Variants in KLK11 observed in about 807,000 individuals in gnomAD.
KLK11 encodes kallikrein-11.
Under a neutral mutation model 23.4 loss-of-function variants are expected in KLK11, and 10 were observed. The observed-to-expected ratio is 0.43, with a 90% CI of 0.26 to 0.73. KLK11 has a LOEUF of 0.73. Ranked by LOEUF, KLK11 falls within the 30% of genes least tolerant of loss-of-function variation. The pLI is 0.22. For synonymous variants in KLK11, 131 were observed against 131.7 expected (o/e 0.99, Z 0.03); for missense variants, 285 against 327.8 (o/e 0.87, Z 1.01).
chr19:51,022,711 G>A lies in KLK11; in HGVS notation c.601-14C>T, dbSNP rs769356629. Reference sequence around the variant, plus strand: ...CCCGGAGTCACCCTGGGCACGGGGAGAGAGAATGTCGGTCAGAGAAAGCGT... The same window carrying A: ...CCCGGAGTCACCCTGGGCACGGGGAAAGAGAATGTCGGTCAGAGAAAGCGT... On this transcript the variant is annotated splice_polypyrimidine_tract_variant and intron_variant, in intron 5 of 5. Transcript: ENST00000453757. 6 of 1,612,484 alleles carry A rather than the reference G, an allele frequency of 3.7e-6. No individual in the cohort carries two copies. The highest frequency in any genetic ancestry group is 1.7e-5 in the Admixed American group (1 of 59,998).
chr19:51,025,843 T>A lies in KLK11; in HGVS notation c.-35-177A>T. The A allele has an allele frequency of 2.1e-6, 1 of 475,372 alleles. No individual in the cohort carries two copies. Among genetic ancestry groups the A allele is most frequent in the South Asian group, 3.5e-5 (1 of 28,790 alleles). 29.4% of individuals were successfully genotyped at this position (475,372 alleles called of 1,614,324 possible). A position where few individuals can be genotyped will look rare whatever the true frequency, so the allele number is the denominator to read the frequency against. ...CAGATCTCCAAACACTTAAAATATATCTTAGGTGTCTAGGGTGGCCTTGGA... is the reference window on the plus strand; with the variant it reads ...CAGATCTCCAAACACTTAAAATATAACTTAGGTGTCTAGGGTGGCCTTGGA... On this transcript the variant is annotated intron_variant, in intron 1 of 5. Transcript: ENST00000453757. The surrounding 1 kb of genome is among the most constrained non-coding windows in gnomAD (Gnocchi z 6.2).
chr19:51,025,250 T>C lies in KLK11; in HGVS notation c.40+342A>G, dbSNP rs1003769661. Reference sequence around the variant, plus strand: ...CACCACGGCACTCCAGCCTGGACAATAGAGCAAGACTTTGTCTCTGGGAAA... The same window carrying C: ...CACCACGGCACTCCAGCCTGGACAACAGAGCAAGACTTTGTCTCTGGGAAA... On this transcript the variant is annotated intron_variant, in intron 2 of 5. Coordinates refer to ENST00000453757, the MANE Select transcript of KLK11 (RefSeq NM_001136032.3). The surrounding 1 kb of genome is among the most constrained non-coding windows in gnomAD (Gnocchi z 6.2). Among the ~76,000 whole-genome samples, 2 of 150,382 alleles carry C rather than the reference T, an allele frequency of 1.3e-5. No homozygotes were observed. The highest frequency in any genetic ancestry group is 1.5e-5 in the Non-Finnish European group (1 of 67,712).
At chr19:51,026,720 G>A (rs1167991595), upstream of KLK11, 6 of 539,180 alleles carry the variant, frequency 1.1e-5, no homozygotes, top group African/African-American at 2.1e-5. Flanking sequence ...GCCCCGGGGC[G>A]GGGTGTGTGT....
chr19:51,027,822 C>T, upstream of KLK11: 1 of 357,660 alleles, frequency 2.8e-6, no homozygotes, highest in Non-Finnish European at 5.2e-6. Flanking sequence ...CAGGAGGGTC[C>T]ACTTGGAAAG....
upstream of KLK11, chr19:51,026,972 C>T: frequency 6.3e-6 from 1 of 158,662 alleles, no homozygotes; most frequent in Non-Finnish European, 1.4e-5. Flanking sequence ...TTTCTCTGTC[C>T]TCGTCCCTGT....
rs1374762925 is a variant in KLK11 at position 51,025,269 on chromosome 19, T to TG, written c.40+322dup. Among the ~76,000 whole-genome samples the TG allele has an allele frequency of 2.8e-5, 4 of 142,140 alleles. No homozygotes were observed. The highest frequency in any genetic ancestry group is 2.0e-4 in the East Asian group (1 of 5,080). 93.2% of individuals were successfully genotyped at this position (142,140 alleles called of 152,430 possible). On this transcript the variant is annotated intron_variant, in intron 2 of 5. Coordinates refer to ENST00000453757, the MANE Select transcript of KLK11 (RefSeq NM_001136032.3). The surrounding 1 kb of genome is among the most constrained non-coding windows in gnomAD (Gnocchi z 6.2). ...GGACAATAGAGCAAGACTTTGTCTC[T>TG]GGGAAAAAAAAAAAAGGAAATACTT...
Position 51,024,005 on chromosome 19 carries a change from C to G in KLK11, c.463+40G>C. ...CCTTCCACAATCCTGACCACTCCCT[C>G]CTCACCACCCCCTGCCAGGTTCCCC... On this transcript the variant is annotated intron_variant, in intron 4 of 5. Coordinates refer to ENST00000453757, the MANE Select transcript of KLK11 (RefSeq NM_001136032.3). This position sits in a 1 kb window ranked among gnomAD's most constrained non-coding sequence, Gnocchi z 6.2. 1 of 1,456,432 alleles carries G rather than the reference C, an allele frequency of 6.9e-7. No individual in the cohort carries two copies. The highest frequency in any genetic ancestry group is 9.2e-7 in the Non-Finnish European group (1 of 1,091,180). 90.2% of individuals were successfully genotyped at this position (1,456,432 alleles called of 1,614,324 possible).
At chr19:51,027,078 T>A, upstream of KLK11, 1 of 215,920 alleles carries the variant, frequency 4.6e-6, no homozygotes, top group East Asian at 1.3e-4. Context: ...TCTGACTGCA[T>A]CTCTGGCAAT....
In KLK11 at chr19:51,024,513, C is replaced by G; in HGVS notation, c.197+125G>C. 3.2e-6 allele frequency: 4 copies of G among 1,258,196 alleles called. No individual in the cohort carries two copies. The highest frequency in any genetic ancestry group is 1.5e-5 in the African/African-American group (1 of 66,142). The allele number at this position is 1,258,196 out of a possible 1,614,324, so 77.9% of individuals were successfully genotyped here. A position where few individuals can be genotyped will look rare whatever the true frequency, so the allele number is the denominator to read the frequency against. On this transcript the variant is annotated intron_variant, in intron 3 of 5. Coordinates refer to ENST00000453757, the MANE Select transcript of KLK11 (RefSeq NM_001136032.3). The surrounding 1 kb of genome is among the most constrained non-coding windows in gnomAD (Gnocchi z 6.2). ...TTCAATACCAACTCGAGCCCATCAACCTTGCTGACACTACCCATCCCCATC... is the reference window on the plus strand; with the variant it reads ...TTCAATACCAACTCGAGCCCATCAAGCTTGCTGACACTACCCATCCCCATC...
Position 51,024,494 on chromosome 19 carries a change from A to G in KLK11, c.197+144T>C. ...CCCCATTCATCCCCCCACCTTCAATACCAACTCGAGCCCATCAACCTTGCT... is the reference window on the plus strand; with the variant it reads ...CCCCATTCATCCCCCCACCTTCAATGCCAACTCGAGCCCATCAACCTTGCT... On this transcript the variant is annotated intron_variant, in intron 3 of 5. Coordinates refer to ENST00000453757, the MANE Select transcript of KLK11 (RefSeq NM_001136032.3). The surrounding 1 kb of genome is among the most constrained non-coding windows in gnomAD (Gnocchi z 6.2). 2 of 1,229,020 alleles carry G rather than the reference A, an allele frequency of 1.6e-6. No individual in the cohort carries two copies. The highest frequency in any genetic ancestry group is 2.2e-6 in the Non-Finnish European group (2 of 907,872). The allele number at this position is 1,229,020 out of a possible 1,614,324, so 76.1% of individuals were successfully genotyped here. A position where few individuals can be genotyped will look rare whatever the true frequency, so the allele number is the denominator to read the frequency against.
rs1221675495 is a variant in KLK11, at chr19:51,022,487, C to A, written c.*58G>T. 13 of 1,604,912 alleles carry A rather than the reference C, an allele frequency of 8.1e-6. No individual in the cohort carries two copies. The highest frequency in any genetic ancestry group is 7.7e-6 in the Non-Finnish European group (9 of 1,171,890). On this transcript the variant is annotated 3_prime_UTR_variant, in exon 6 of 6. Coordinates refer to ENST00000453757, the MANE Select transcript of KLK11 (RefSeq NM_001136032.3). ...TAGGGTTTCTTATTAACAGAGTGAA[C>A]AGGAACCAAACACCAAGTGGAAATG... is the stretch of plus-strand genomic sequence containing the variant.
upstream of KLK11, chr19:51,026,744 G>A (rs968899374): frequency 3.0e-5 from 9 of 296,606 alleles, no homozygotes; most frequent in South Asian, 1.3e-4. Flanking sequence ...GGCCCTCCCC[G>A]GAGGCCTCTG....
In KLK11 at chr19:51,024,465, C is replaced by A; in HGVS notation, c.198-155G>T. On this transcript the variant is annotated intron_variant, in intron 3 of 5. Transcript: ENST00000453757. This position sits in a 1 kb window ranked among gnomAD's most constrained non-coding sequence, Gnocchi z 6.2. Reference sequence around the variant, plus strand: ...CCCCCTTCCCAGCCATAGCCCCATCCCAACCCCATTCATCCCCCCACCTTC... The same window carrying A: ...CCCCCTTCCCAGCCATAGCCCCATCACAACCCCATTCATCCCCCCACCTTC... 7.5e-7 allele frequency: 1 copy of A among 1,335,720 alleles called. No homozygotes were observed. Among genetic ancestry groups the A allele is most frequent in the Non-Finnish European group, 1.0e-6 (1 of 993,982 alleles). The allele number at this position is 1,335,720 out of a possible 1,614,324, so 82.7% of individuals were successfully genotyped here.
chr19:51,027,809 T>C, upstream of KLK11: 1 of 380,660 alleles, frequency 2.6e-6, no homozygotes, highest in Non-Finnish European at 4.8e-6. Context: ...GGGATCAGGC[T>C]TCCAGGAGGG....
upstream of KLK11, chr19:51,026,723 G>A (rs114226367): frequency 5.9e-3 from 2,820 of 478,646 alleles, 68 homozygotes; most frequent in African/African-American, 0.057. Context: ...CCGGGGCGGG[G>A]TGTGTGTGAG....
intron 5 of KLK11, 42 bp downstream of exon 5, chr19:51,023,050 G>A: frequency 6.4e-7 from 1 of 1,562,128 alleles, no homozygotes; most frequent in Non-Finnish European, 8.7e-7. Flanking sequence ...TGTCATTGAA[G>A]CTGGGGATGG....
Position 51,024,938 on chromosome 19 carries a change from C to T in KLK11, c.41-144G>A. ...GTGTCCCTCTGGGTTGCCCTGGATG[C>T]TGGGGTCGGGTATTAAAGGATGAAA... is the stretch of plus-strand genomic sequence containing the variant. On this transcript the variant is annotated intron_variant, in intron 2 of 5. Transcript: ENST00000453757. This position sits in a 1 kb window ranked among gnomAD's most constrained non-coding sequence, Gnocchi z 6.2. 1 of 703,104 alleles carries T rather than the reference C, an allele frequency of 1.4e-6. No individual in the cohort carries two copies. Among genetic ancestry groups the T allele is most frequent in the Middle Eastern group, 2.7e-4 (1 of 3,658 alleles). The allele number at this position is 703,104 out of a possible 1,614,324, so 43.6% of individuals were successfully genotyped here. A position where few individuals can be genotyped will look rare whatever the true frequency, so the allele number is the denominator to read the frequency against.
chr19:51,026,346 A>G (rs536894633), intron 1 of KLK11, among the ~76,000 whole-genome samples, 192 bp downstream of exon 1: 2 of 151,948 alleles, frequency 1.3e-5, no homozygotes, highest in South Asian at 4.2e-4. Flanking sequence ...AGCTGAAGCC[A>G]TGGAGATTAG....
chr19:51,024,083 C>A lies in KLK11; in HGVS notation c.425G>T (p.Cys142Phe). 2 of 1,561,434 alleles carry A rather than the reference C, an allele frequency of 1.3e-6. No individual in the cohort carries two copies. The highest frequency in any genetic ancestry group is 1.7e-6 in the Non-Finnish European group (2 of 1,148,570). ...CGTGCTGCCCCAGCCGGAAATGAGGCAGCTGGTGCCAGCAGTGACACAGCG... is the reference window on the plus strand; with the variant it reads ...CGTGCTGCCCCAGCCGGAAATGAGGAAGCTGGTGCCAGCAGTGACACAGCG... ...SSRCVTAGTS[C>F]LISGWGSTSS... Residue 142 changes from cysteine to phenylalanine, a missense_variant, in exon 4 of 6, where the codon TGC (cysteine) becomes TTC (phenylalanine). By Grantham distance (205) the Cys-to-Phe change is radical (BLOSUM62 -2). Transcript: ENST00000453757. The surrounding 1 kb of genome is among the most constrained non-coding windows in gnomAD (Gnocchi z 6.2).
Sources: gnomAD v4.1 joint callset for allele counts (sites outside exome capture counted in the v4.1 genomes callset) on GRCh38, gnomAD v4.1.1 for gene constraint, Gnocchi (gnomAD v3.1) non-coding constraint, MANE v1.5 for transcripts, NCBI Gene and HGNC (gene_info 2026-07-23, HGNC 2026-07-21) for gene names.